Variants in SSBP2 observed in about 807,000 individuals in gnomAD.
SSBP2 encodes the protein single-stranded DNA-binding protein 2.
A neutral mutation model predicts 61.8 loss-of-function variants in SSBP2; 17 were observed. The ratio of observed to expected loss-of-function variants is 0.28; its 90% confidence interval spans 0.19 to 0.41. SSBP2 has a LOEUF of 0.41. SSBP2 is among the 10% of genes least tolerant of loss of function. The pLI is 1.00. For missense variants in SSBP2, 310 were observed against 458.7 expected, an observed-to-expected ratio of 0.68 and a Z score of 2.96; for synonymous variants, 139 against 141.3, an observed-to-expected ratio of 0.98 and a Z score of 0.12.
chr5:81,554,509 A>G (rs1317783364), intron 4 of SSBP2, among the ~76,000 whole-genome samples: 2 of 151,502 alleles, frequency 1.3e-5, no homozygotes, highest in East Asian at 3.9e-4. Flanking sequence ...TTCACATAAA[A>G]ACACTATGTA....
At chr5:81,588,922 A>T (rs895797491) in intron 4 of SSBP2, among the ~76,000 whole-genome samples, 2 of 152,058 alleles carry the variant, frequency 1.3e-5, no homozygotes, top group Non-Finnish European at 2.9e-5. Flanking sequence ...AAATTAGCTG[A>T]GCATGTTGGC....
At chr5:81,465,791 A>G (rs1426573502) in intron 9 of SSBP2, among the ~76,000 whole-genome samples, 1 of 152,012 alleles carries the variant, frequency 6.6e-6, no homozygotes, top group Non-Finnish European at 1.5e-5. Flanking sequence ...CCATTAATAC[A>G]AGGCCAAGCC....
chr5:81,745,035 A>G (rs867573048), intron 1 of SSBP2, among the ~76,000 whole-genome samples: 5 of 152,164 alleles, frequency 3.3e-5, no homozygotes, highest in Admixed American at 6.5e-5. Flanking sequence ...CATTTTTCAA[A>G]AATTCTTAAC....
chr5:81,654,504 A>G (rs138164388), intron 1 of SSBP2, among the ~76,000 whole-genome samples: 1,895 of 152,260 alleles, frequency 0.012, 18 homozygotes, highest in South Asian at 0.021. Context: ...CAAATCATGT[A>G]TTGGATTCTA....
intron 4 of SSBP2, among the ~76,000 whole-genome samples, chr5:81,524,676 T>C (rs765314898): frequency 1.3e-5 from 2 of 152,022 alleles, no homozygotes; most frequent in Non-Finnish European, 2.9e-5. Flanking sequence ...AAAAATAAAT[T>C]CCATGTTTTA....
chr5:81,621,857 C>T (rs1476583374), intron 3 of SSBP2, among the ~76,000 whole-genome samples: 1 of 123,104 alleles, frequency 8.1e-6, no homozygotes, highest in Admixed American at 8.3e-5. Flanking sequence ...ATTGCAAGAA[C>T]AAAAAACCAA....
rs1302783806 is a variant in SSBP2 at position 81,417,360 on chromosome 5, T to C, written c.*3144A>G. 6.6e-6 allele frequency: 1 copy of C among 152,230 alleles called. No individual in the cohort carries two copies. The highest frequency in any genetic ancestry group is 2.4e-5 in the African/African-American group (1 of 41,454). 9.4% of individuals were successfully genotyped at this position (152,230 alleles called of 1,614,324 possible). A position where few individuals can be genotyped will look rare whatever the true frequency, so the allele number is the denominator to read the frequency against. ...AAGACACGTAGTTAAGAATCATACATACCCTCAGAAAGAATTTGACATGTA... is the reference window on the plus strand; with the variant it reads ...AAGACACGTAGTTAAGAATCATACACACCCTCAGAAAGAATTTGACATGTA... On this transcript the variant is annotated 3_prime_UTR_variant, in exon 17 of 17. Coordinates refer to ENST00000320672, the MANE Select transcript of SSBP2 (RefSeq NM_012446.5).
Position 81,519,782 on chromosome 5 carries a change from C to A in SSBP2, c.283-6065G>T, listed in dbSNP as rs114529057. Among the ~76,000 whole-genome samples, 620 of 152,194 alleles carry A rather than the reference C, an allele frequency of 4.1e-3. 3 individuals are homozygous for A. The highest frequency in any genetic ancestry group is 0.014 in the African/African-American group (590 of 41,538). ...CTGGACTGTCTTTCTGAATTGTAGG[C>A]CCCCAGAGATGATGATTTATTTTCT... is the stretch of plus-strand genomic sequence containing the variant. On this transcript the variant is annotated intron_variant, in intron 4 of 16. Transcript: ENST00000320672.
intron 1 of SSBP2, among the ~76,000 whole-genome samples, chr5:81,721,143 G>T (rs1017200715): frequency 1.3e-5 from 2 of 152,024 alleles, no homozygotes; most frequent in African/African-American, 2.4e-5. Context: ...AATCAAGTCT[G>T]GATGGATACC....
At chr5:81,501,865 CT>C (rs1165719942) in intron 5 of SSBP2, among the ~76,000 whole-genome samples, 7 of 152,114 alleles carry the variant, frequency 4.6e-5, no homozygotes, top group African/African-American at 7.2e-5. Flanking sequence ...GCCCTGCCCC[CT>C]GGTGTTGTTT....
At chr5:81,607,279 A>C (rs1744975954) in intron 4 of SSBP2, among the ~76,000 whole-genome samples, 1 of 152,196 alleles carries the variant, frequency 6.6e-6, no homozygotes, top group Non-Finnish European at 1.5e-5. Context: ...GAAAGCAAGA[A>C]GTAATACTGA....
intron 1 of SSBP2, among the ~76,000 whole-genome samples, chr5:81,703,282 C>T (rs1422652725): frequency 2.0e-5 from 3 of 152,110 alleles, no homozygotes; most frequent in South Asian, 2.1e-4. Flanking sequence ...GCCATGAATA[C>T]AACATATATC....
At chr5:81,609,370 T>A (rs562012462) in intron 4 of SSBP2, among the ~76,000 whole-genome samples, 1 of 152,336 alleles carries the variant, frequency 6.6e-6, no homozygotes, top group East Asian at 1.9e-4. Context: ...CTAGTCATCA[T>A]TCAAAAGCCA....
At chr5:81,745,387 T>C (rs1757292552) in intron 1 of SSBP2, among the ~76,000 whole-genome samples, 1 of 152,128 alleles carries the variant, frequency 6.6e-6, no homozygotes, top group African/African-American at 2.4e-5. Flanking sequence ...GCTACATTTG[T>C]AAAATACACA....
chr5:81,440,692 C>A, intron 13 of SSBP2, 56 bp from the exon 14 acceptor site: 3 of 1,240,210 alleles, frequency 2.4e-6, no homozygotes, highest in South Asian at 2.7e-5. Context: ...TGGCTTATCT[C>A]AATTTTACAA....
chr5:81,638,142 T>C (rs1207328664), intron 2 of SSBP2, among the ~76,000 whole-genome samples: 1 of 150,072 alleles, frequency 6.7e-6, no homozygotes, highest in Non-Finnish European at 1.5e-5. Context: ...TTGGGAGATA[T>C]ACCTAATGCT....
In SSBP2 at chr5:81,489,242, A is replaced by C; in HGVS notation, c.432+8T>G. 1 of 1,607,360 alleles carries C rather than the reference A, an allele frequency of 6.2e-7. No individual in the cohort carries two copies. The highest frequency in any genetic ancestry group is 8.5e-7 in the Non-Finnish European group (1 of 1,176,906). On this transcript the variant is annotated splice_region_variant and intron_variant, in intron 6 of 16. Coordinates refer to ENST00000320672, the MANE Select transcript of SSBP2 (RefSeq NM_012446.5). ...TTACAAAAAACTTACATAGCACATA[A>C]ATCTTACCTGATTAGGTATCCTCAA... is the stretch of plus-strand genomic sequence containing the variant.
At chr5:81,558,195 C>T (rs1456569256) in intron 4 of SSBP2, among the ~76,000 whole-genome samples, 1 of 152,224 alleles carries the variant, frequency 6.6e-6, no homozygotes, top group African/African-American at 2.4e-5. Context: ...TCATTGAAAT[C>T]ACTTACCTGG....
chr5:81,487,649 A>G (rs1766481712), intron 6 of SSBP2, among the ~76,000 whole-genome samples: 1 of 151,962 alleles, frequency 6.6e-6, no homozygotes, highest in Non-Finnish European at 1.5e-5. Context: ...CAAAGATTCT[A>G]TATATTTAAG....
Sources: gnomAD v4.1 joint callset for allele counts (sites outside exome capture counted in the v4.1 genomes callset) on GRCh38, gnomAD v4.1.1 for gene constraint, MANE v1.5 for transcripts, NCBI Gene and HGNC (gene_info 2026-07-23, HGNC 2026-07-21) for gene names.